The following ODR4 variants were observed in gnomAD, a reference collection of about 807,000 sequenced individuals.
ODR4 encodes odr-4 GPCR localization factor homolog, also known as protein odr-4 homolog.
In ODR4, 47 loss-of-function variants were observed where a neutral mutation model predicts 60.2. The ratio of observed to expected loss-of-function variants is 0.78; its 90% CI spans 0.62 to 1.00. The LOEUF is 1.00. Among genes scored for constraint, ODR4 ranks in the 50% least tolerant of loss-of-function variants. The pLI is 0.00. For missense variants in ODR4, 488 were observed against 530.8 expected (o/e 0.92, Z 0.79); for synonymous variants, 178 against 175.5 (o/e 1.01, Z -0.11).
chr1:186,418,952 T>C, intron 13 of ODR4, 57 bp from the exon 14 acceptor site: 1 of 1,458,614 alleles, frequency 6.9e-7, no homozygotes, highest in Non-Finnish European at 9.4e-7. Flanking sequence ...TAGGATTAGT[T>C]TGGCCTTTCT....
intron 1 of ODR4, 116 bp from the exon 2 acceptor site, chr1:186,379,651 C>A: frequency 1.8e-6 from 1 of 559,608 alleles, no homozygotes; most frequent in Admixed American, 3.4e-5. Flanking sequence ...GTATTTGCTG[C>A]AAGGCATGAG....
chr1:186,407,590 A>G (rs912890747), intron 12 of ODR4, among the ~76,000 whole-genome samples: 1 of 152,090 alleles, frequency 6.6e-6, no homozygotes, highest in African/African-American at 2.4e-5. Flanking sequence ...TTCAGATTCT[A>G]TTCTTCTTTA....
At chr1:186,415,101 G>T (rs1005237087) in intron 12 of ODR4, among the ~76,000 whole-genome samples, 5 of 149,656 alleles carry the variant, frequency 3.3e-5, no homozygotes, top group African/African-American at 1.2e-4. Flanking sequence ...AAAAAAAAAG[G>T]GGGGAGGGTT....
intron 8 of ODR4, among the ~76,000 whole-genome samples, chr1:186,392,064 C>A (rs903247894): frequency 3.9e-5 from 6 of 152,064 alleles, no homozygotes; most frequent in African/African-American, 7.2e-5. Flanking sequence ...TAGAGAAACA[C>A]AAATGAAAAC....
intron 12 of ODR4, among the ~76,000 whole-genome samples, chr1:186,412,448 C>A (rs1371910300): frequency 3.9e-5 from 6 of 152,108 alleles, no homozygotes; most frequent in African/African-American, 1.4e-4. Context: ...AGATGTATTA[C>A]AACCAAGAAT....
intron 11 of ODR4, 200 bp downstream of exon 11, chr1:186,399,244 G>A (rs1158360312): frequency 7.2e-6 from 4 of 557,492 alleles, no homozygotes; most frequent in Admixed American, 2.3e-5. Context: ...TCACTGTGTT[G>A]CCCAGGCTGG....
rs770834714 is a variant in ODR4 at position 186,390,141 on chromosome 1, TCTC to T, written c.474+523_474+525del. 1.1e-3 allele frequency among the ~76,000 whole-genome samples: 169 copies of T among 152,246 alleles called. 1 individual carries two copies. The highest frequency in any genetic ancestry group is 1.0e-3 in the Non-Finnish European group (70 of 68,008). On this transcript the variant is annotated intron_variant, in intron 6 of 13. Coordinates refer to ENST00000287859, the MANE Select transcript of ODR4 (RefSeq NM_017847.6). ...AAAATTGTTAAAATATCTTTGTTAATCTCCTCCTACCTTGTTTGTGTATTTAGT... is the reference window on the plus strand; with the variant it reads ...AAAATTGTTAAAATATCTTTGTTAATCTCCTACCTTGTTTGTGTATTTAGT...
At chr1:186,432,511 T>TG in the ODR4 span, among the ~76,000 whole-genome samples, 2 of 152,172 alleles carry the variant, frequency 1.3e-5, no homozygotes, top group Non-Finnish European at 2.9e-5. Flanking sequence ...TGTGTTTTTT[T>TG]GGGGGGTAAT....
chr1:186,398,297 A>C lies in ODR4; in HGVS notation c.781-16A>C. The C allele has an allele frequency of 6.4e-7, 1 of 1,565,260 alleles. No homozygotes were observed. Among genetic ancestry groups the C allele is most frequent in the Non-Finnish European group, 8.6e-7 (1 of 1,156,108 alleles). ...CATTGTTGGTTATTAGAACTTAAAC[A>C]GATTTTGTCTTTCAGCTCCTGAATT... On this transcript the variant is annotated splice_polypyrimidine_tract_variant and intron_variant, in intron 9 of 13. Transcript: ENST00000287859.
At chr1:186,411,760 C>G in intron 12 of ODR4, 1 of 473,514 alleles carries the variant, frequency 2.1e-6, no homozygotes. Context: ...ATGTTTCACA[C>G]TGTATTTAAA....
chr1:186,392,794 G>C (rs2102040567), intron 8 of ODR4, among the ~76,000 whole-genome samples: 1 of 152,288 alleles, frequency 6.6e-6, no homozygotes, highest in Admixed American at 6.5e-5. Context: ...CTTGAGGTCA[G>C]GAGTTCAAGA....
At position 186,383,030 on chromosome 1, in the gene ODR4, A is replaced by T. The variant is rs760668563; in HGVS notation, c.108A>T (p.Ser36=). 5 of 1,583,976 alleles carry T rather than the reference A, an allele frequency of 3.2e-6. No homozygotes were observed. The highest frequency in any genetic ancestry group is 4.3e-6 in the Non-Finnish European group (5 of 1,164,296). ...TTAATTTGTTGTTGAAGTGTTCGTCACAAAAGGATTATGTGATTCTTGCCA... is the reference window on the plus strand; with the variant it reads ...TTAATTTGTTGTTGAAGTGTTCGTCTCAAAAGGATTATGTGATTCTTGCCA... ...VSGLLIGQCS[S]QKDYVILATR... is the part of the protein sequence containing the mutation. The change falls in exon 3 of 14, where the codon TCA becomes TCT. Residue 36 remains serine, a synonymous_variant. Transcript: ENST00000287859.
At chr1:186,381,885 A>G (rs1660046898) in intron 2 of ODR4, among the ~76,000 whole-genome samples, 1 of 152,196 alleles carries the variant, frequency 6.6e-6, no homozygotes, top group African/African-American at 2.4e-5. Context: ...TAACTTCCTG[A>G]AAATAACCTG....
At chr1:186,405,252 A>G (rs189770681) in intron 11 of ODR4, among the ~76,000 whole-genome samples, 98 of 152,312 alleles carry the variant, frequency 6.4e-4, no homozygotes, top group African/African-American at 2.3e-3. Flanking sequence ...CATGCTTGAT[A>G]TATAGGAAGG....
intron 10 of ODR4, 103 bp from the exon 11 acceptor site, chr1:186,398,851 G>A: frequency 2.8e-6 from 2 of 707,168 alleles, no homozygotes; most frequent in South Asian, 4.4e-5. Context: ...TATTTAGTGG[G>A]CATGATTGTA....
chr1:186,399,073 CG>C (rs769892587), intron 11 of ODR4, 29 bp downstream of exon 11: 2 of 1,396,894 alleles, frequency 1.4e-6, no homozygotes, highest in Admixed American at 1.8e-5. Context: ...TACTTTTTTG[CG>C]TATCTTCAAC....
downstream of ODR4, among the ~76,000 whole-genome samples, chr1:186,424,351 G>A (rs77810138): frequency 0.023 from 3,430 of 152,166 alleles, 146 homozygotes; most frequent in African/African-American, 0.078. Flanking sequence ...GTATATTTGT[G>A]ATAAAACTTT....
chr1:186,417,640 T>A lies in ODR4; in HGVS notation c.1283T>A (p.Ile428Asn), dbSNP rs1201948568. The change falls in exon 13 of 14, where the codon ATT becomes AAT. Residue 428 changes from isoleucine (I) to asparagine (N), a missense_variant. Coordinates refer to ENST00000287859, the MANE Select transcript of ODR4 (RefSeq NM_017847.6). ...QPIKTTMLLK[I>N]QQNIGVIAAF... The stretch of plus-strand genomic sequence containing the variant: ...ATTAAAACTACAATGTTATTGAAAA[T>A]TCAGCAAAACATAGGTATTTAATTT... 6.4e-7 allele frequency: 1 copy of A among 1,572,280 alleles called. No individual in the cohort carries two copies. The highest frequency in any genetic ancestry group is 1.8e-5 in the Admixed American group (1 of 56,744).
rs765193563 is a variant in ODR4, at chr1:186,401,150, C to T, written c.1000+2106C>T. The T allele has an allele frequency of 2.5e-6, 4 of 1,595,472 alleles. No individual in the cohort carries two copies. The East Asian group carries it at 6.8e-5, about 27-fold the overall frequency. ...ATAAAAGTGGTATTATATGGCTATC[C>T]TGGTATTCTTTCATATTGTTAGTAC... On this transcript the variant is annotated intron_variant, in intron 11 of 13. Coordinates refer to ENST00000287859, the MANE Select transcript of ODR4 (RefSeq NM_017847.6).
Sources: gnomAD v4.1 joint callset for allele counts (sites outside exome capture counted in the v4.1 genomes callset) on GRCh38, gnomAD v4.1.1 for gene constraint, MANE v1.5 for transcripts, NCBI Gene and HGNC (gene_info 2026-07-23, HGNC 2026-07-21) for gene names.